The following PLB1 variants were observed in gnomAD, a reference collection of about 807,000 sequenced individuals.
The protein encoded by PLB1 is phospholipase B1, membrane-associated.
PLB1 carries 242 observed loss-of-function variants against 227.4 expected under a neutral mutation model. That is an observed-to-expected ratio of 1.06 (90% CI 0.96 to 1.18). The LOEUF is 1.18. Ranked by LOEUF, PLB1 falls within the 50% of genes most tolerant of loss-of-function variation. The pLI is 0.00. For missense variants in PLB1, 1,858 were observed against 1,816.3 expected (o/e 1.02, Z -0.42); for synonymous variants, 757 against 682.2 (o/e 1.11, Z -1.71).
intron 1 of PLB1, among the ~76,000 whole-genome samples, chr2:28,511,663 T>C (rs1668270709): frequency 6.6e-6 from 1 of 152,222 alleles, no homozygotes; most frequent in South Asian, 2.1e-4. Context: ...TAGACTATTA[T>C]AGTTGATGTG....
Position 28,620,585 on chromosome 2 carries a change from CT to C in PLB1, c.3384-12del. 1.9e-6 allele frequency: 3 copies of C among 1,610,570 alleles called. No homozygotes were observed. Among genetic ancestry groups the C allele is most frequent in the Non-Finnish European group, 2.5e-6 (3 of 1,178,478 alleles). On this transcript the variant is annotated splice_polypyrimidine_tract_variant and intron_variant, in intron 47 of 57. Coordinates refer to ENST00000327757, the MANE Select transcript of PLB1 (RefSeq NM_153021.5). ...TGTTGGTGTGAGTTTAACAAATATG[CT>C]TTCTCCTCCCCAGCATTGGAGGGGA... is the stretch of plus-strand genomic sequence containing the variant.
Position 28,518,376 on chromosome 2 carries a change from G to A in PLB1, c.118-90G>A, listed in dbSNP as rs1669105625. ...TAGATTTTGAGCCTAGATAGAATGA[G>A]TACATGATCATTTCTACACCAAGTT... On this transcript the variant is annotated intron_variant, in intron 2 of 57. Transcript: ENST00000327757. 4.0e-6 allele frequency: 4 copies of A among 988,804 alleles called. No individual in the cohort carries two copies. The East Asian group carries it at 9.6e-5, about 24-fold the overall frequency. The allele number at this position is 988,804 out of a possible 1,614,324, so 61.3% of individuals were successfully genotyped here. A position where few individuals can be genotyped will look rare whatever the true frequency, so the allele number is the denominator to read the frequency against.
At chr2:28,499,520 A>G (rs960296778) in intron 1 of PLB1, among the ~76,000 whole-genome samples, 1 of 149,838 alleles carries the variant, frequency 6.7e-6, no homozygotes, top group Non-Finnish European at 1.5e-5. Flanking sequence ...TGCCTGCACA[A>G]CAGTTTTTTT....
intron 43 of PLB1, among the ~76,000 whole-genome samples, chr2:28,612,769 A>ATTTT (rs10557060): frequency 0.018 from 2,302 of 124,816 alleles, 61 homozygotes; most frequent in African/African-American, 0.066. Context: ...CCACACCTGG[A>ATTTT]TTTTTTTTTT....
intron 19 of PLB1, among the ~76,000 whole-genome samples, 198 bp downstream of exon 19, chr2:28,565,551 G>A (rs1459061917): frequency 8.3e-5 from 7 of 84,164 alleles, no homozygotes; most frequent in African/African-American, 2.3e-4. Flanking sequence ...CAGTAGCTGA[G>A]CCTTGAGCCA....
At chr2:28,557,615 A>G (rs929463474) in intron 17 of PLB1, among the ~76,000 whole-genome samples, 1 of 152,108 alleles carries the variant, frequency 6.6e-6, no homozygotes, top group African/African-American at 2.4e-5. Context: ...GCTATTTGTG[A>G]TGCTTCGTCA....
At chr2:28,632,344 T>C (rs1037504319) in intron 55 of PLB1, among the ~76,000 whole-genome samples, 1 of 151,948 alleles carries the variant, frequency 6.6e-6, no homozygotes, top group African/African-American at 2.4e-5. Flanking sequence ...AGGAAATCAA[T>C]AGTGACTAAG....
chr2:28,540,137 T>TA (rs1163268708), intron 11 of PLB1, among the ~76,000 whole-genome samples: 1 of 138,368 alleles, frequency 7.2e-6, no homozygotes, highest in African/African-American at 2.6e-5. Context: ...CTCCATCCAA[T>TA]ACCCACCCCC....
intron 22 of PLB1, among the ~76,000 whole-genome samples, chr2:28,578,734 G>A (rs1417562402): frequency 6.6e-6 from 1 of 152,144 alleles, no homozygotes; most frequent in Non-Finnish European, 1.5e-5. Context: ...GGGGTTTCTA[G>A]GTGGGTAAAA....
intron 49 of PLB1, 42 bp from the exon 50 acceptor site, chr2:28,625,015 C>A: frequency 6.3e-7 from 1 of 1,595,154 alleles, no homozygotes; most frequent in Non-Finnish European, 8.6e-7. Flanking sequence ...AGTCCTCGCT[C>A]CTGAGCCGGC....
intron 35 of PLB1, among the ~76,000 whole-genome samples, chr2:28,599,259 G>A (rs1349303687): frequency 2.6e-5 from 4 of 152,206 alleles, no homozygotes; most frequent in Admixed American, 2.6e-4. Flanking sequence ...ACCCAAAGAA[G>A]AGCAACTGCC....
At chr2:28,559,774 C>T (rs760627287) in intron 17 of PLB1, among the ~76,000 whole-genome samples, 33 of 95,210 alleles carry the variant, frequency 3.5e-4, no homozygotes, top group South Asian at 1.8e-3. Context: ...TTTTTTGAGA[C>T]GGAGTCTCGC....
At chr2:28,591,210 G>A (rs758277296) in intron 30 of PLB1, 39 bp downstream of exon 30, 1 of 1,611,994 alleles carries the variant, frequency 6.2e-7, no homozygotes, top group South Asian at 1.1e-5. Flanking sequence ...ACCAGGCAAT[G>A]CAATGGGCAA....
chr2:28,523,584 G>A (rs1165657294), intron 4 of PLB1, among the ~76,000 whole-genome samples: 1 of 152,070 alleles, frequency 6.6e-6, no homozygotes, highest in Non-Finnish European at 1.5e-5. Context: ...TCCCCTCTCT[G>A]TGGCTGCCCT....
chr2:28,529,712 C>T lies in PLB1; in HGVS notation c.417-16C>T, dbSNP rs535525170. On this transcript the variant is annotated splice_polypyrimidine_tract_variant and intron_variant, in intron 7 of 57. Transcript: ENST00000327757. ...ATATTTAGCCAATTTTTCTCTGTTT[C>T]CCTCCCTCTGCACAGAGACTTGTGG... is the stretch of plus-strand genomic sequence containing the variant. 6.8e-6 allele frequency: 11 copies of T among 1,613,438 alleles called. No individual in the cohort carries two copies. The Admixed American group carries it at 1.2e-4, about 17-fold the overall frequency.
intron 36 of PLB1, among the ~76,000 whole-genome samples, 180 bp from the exon 37 acceptor site, chr2:28,601,072 T>C (rs1683797654): frequency 6.6e-6 from 1 of 152,146 alleles, no homozygotes; most frequent in South Asian, 2.1e-4. Flanking sequence ...TGAAAATCCC[T>C]CCTGATGCTA....
Position 28,604,692 on chromosome 2 carries a change from A to G in PLB1, c.2894A>G (p.Asp965Gly), listed in dbSNP as rs753572132. The G allele has an allele frequency of 1.2e-6, 2 of 1,614,054 alleles. No homozygotes were observed. Among genetic ancestry groups the G allele is most frequent in the East Asian group, 2.2e-5 (1 of 44,862 alleles). The change falls in exon 41 of 58, where the codon GAC becomes GGC. Residue 965 changes from aspartate (D) to glycine (G), a missense_variant. Coordinates refer to ENST00000327757, the MANE Select transcript of PLB1 (RefSeq NM_153021.5). ...MRELVGSGRY[D>G]TQEDFSVVLQ... is the part of the protein sequence containing the mutation. ...GAGCTGGTGGGGTCAGGCCGCTATG[A>G]CACGCAGGAGGACTTCTCTGTGGTG... is the stretch of plus-strand genomic sequence containing the variant.
At chr2:28,600,909 A>G (rs763578636) in intron 36 of PLB1, 49 bp downstream of exon 36, 24 of 1,529,168 alleles carry the variant, frequency 1.6e-5, no homozygotes, top group Non-Finnish European at 2.1e-5. Context: ...CTAACCCACT[A>G]AAGTTGTCTC....
chr2:28,507,654 A>G (rs1667781636), intron 1 of PLB1, among the ~76,000 whole-genome samples: 1 of 152,230 alleles, frequency 6.6e-6, no homozygotes, highest in Non-Finnish European at 1.5e-5. Context: ...AAAGTAAGGC[A>G]TCCCCTTGTC....
Sources: gnomAD v4.1 joint callset for allele counts (sites outside exome capture counted in the v4.1 genomes callset) on GRCh38, gnomAD v4.1.1 for gene constraint, MANE v1.5 for transcripts, NCBI Gene and HGNC (gene_info 2026-07-23, HGNC 2026-07-21) for gene names.